Variants in DNER observed in about 807,000 individuals in gnomAD.
DNER encodes delta/notch like EGF repeat containing, also known as delta and Notch-like epidermal growth factor-related receptor.
A neutral mutation model predicts 78.2 loss-of-function variants in DNER; 33 were observed. The ratio of observed to expected loss-of-function variants is 0.42; its 90% CI spans 0.32 to 0.56. The LOEUF is 0.56. DNER is among the 20% of genes least tolerant of loss of function. The probability of loss-of-function intolerance (pLI) is 0.11; values close to 1 mark genes in which losing one functional copy is unlikely to be tolerated. For missense variants in DNER, 918 were observed against 975.3 expected (o/e 0.94, Z 0.78); for synonymous variants, 417 against 384.8 (o/e 1.08, Z -0.98).
At chr2:229,631,290 G>T (rs1202586413) in intron 1 of DNER, among the ~76,000 whole-genome samples, 2 of 152,024 alleles carry the variant, frequency 1.3e-5, no homozygotes, top group Non-Finnish European at 2.9e-5. Context: ...TACGCATGGG[G>T]CTTGCCCCAG....
intron 1 of DNER, among the ~76,000 whole-genome samples, chr2:229,615,537 A>G (rs1395426142): frequency 5.9e-5 from 9 of 151,884 alleles, no homozygotes; most frequent in East Asian, 3.9e-4. Flanking sequence ...GTGAAACCCT[A>G]TCTCTACTAA....
At position 229,591,816 on chromosome 2, in the gene DNER, CGCTGCTGCTGCTGCT is replaced by C; in HGVS notation, c.334_348del (p.Ser112_Ser116del). The C allele has an allele frequency of 6.2e-7, 1 of 1,611,448 alleles. No homozygotes were observed. The highest frequency in any genetic ancestry group is 1.1e-5 in the South Asian group (1 of 90,776). On this transcript the variant is annotated inframe_deletion, in exon 2 of 13. Transcript: ENST00000341772. The surrounding 1 kb of genome is among the most constrained non-coding windows in gnomAD (Gnocchi z 4.6). ...TCATTGCAAATGCAGAGGTAGCCAT[CGCTGCTGCTGCTGCT>C]GCTGCTGCTGCAGTTGCCATGGTGA... is the stretch of plus-strand genomic sequence containing the variant.
chr2:229,488,801 G>T (rs1197714861), intron 6 of DNER, among the ~76,000 whole-genome samples: 1 of 152,250 alleles, frequency 6.6e-6, no homozygotes, highest in African/African-American at 2.4e-5. Context: ...CTGAGCAGGA[G>T]ATGCAGAAAG....
chr2:229,498,374 C>T (rs1695543177), intron 6 of DNER, among the ~76,000 whole-genome samples: 3 of 152,194 alleles, frequency 2.0e-5, no homozygotes, highest in South Asian at 2.1e-4. Flanking sequence ...GAATGAGTGG[C>T]CCACTCTCAC....
intron 6 of DNER, among the ~76,000 whole-genome samples, chr2:229,503,980 G>C (rs925268769): frequency 9.2e-5 from 14 of 152,152 alleles, no homozygotes; most frequent in African/African-American, 3.1e-4. Context: ...CTGGGCTCAA[G>C]TGATCTGCCC....
chr2:229,415,644 G>A (rs1035024953), intron 9 of DNER, among the ~76,000 whole-genome samples: 5 of 152,060 alleles, frequency 3.3e-5, no homozygotes, highest in Admixed American at 2.6e-4. Flanking sequence ...CCCCTATCTG[G>A]ATATCTTTGT....
At position 229,393,811 on chromosome 2, in the gene DNER, C is replaced by T. The variant is rs1463525495; in HGVS notation, c.1724-5415G>A. On this transcript the variant is annotated intron_variant, in intron 10 of 12. Coordinates refer to ENST00000341772, the MANE Select transcript of DNER (RefSeq NM_139072.4). ...GCAGTGAGCCGGGTTCATGCCACTGCACTCCAGCCTGGGCAACAGAGCGAG... is the reference window on the plus strand; with the variant it reads ...GCAGTGAGCCGGGTTCATGCCACTGTACTCCAGCCTGGGCAACAGAGCGAG... 1.3e-5 allele frequency among the ~76,000 whole-genome samples: 2 copies of T among 151,894 alleles called. 1 individual carries two copies. The highest frequency in any genetic ancestry group is 2.9e-5 in the Non-Finnish European group (2 of 67,988).
At position 229,358,475 on chromosome 2, in the gene DNER, AT is replaced by A; in HGVS notation, c.*64del. 2 of 1,279,292 alleles carry A rather than the reference AT, an allele frequency of 1.6e-6. No individual in the cohort carries two copies. The highest frequency in any genetic ancestry group is 2.1e-6 in the Non-Finnish European group (2 of 945,628). The allele number at this position is 1,279,292 out of a possible 1,614,324, so 79.2% of individuals were successfully genotyped here. ...GCATTTTAAATTTCTTAAGCTTTTT[AT>A]TTTCTTAAAAATATTTAAATGAGTG... On this transcript the variant is annotated 3_prime_UTR_variant, in exon 13 of 13. Coordinates refer to ENST00000341772, the MANE Select transcript of DNER (RefSeq NM_139072.4).
intron 5 of DNER, 30 bp downstream of exon 5, chr2:229,546,917 G>A (rs72985919): frequency 0.025 from 39,866 of 1,613,256 alleles, 685 homozygotes; most frequent in Middle Eastern, 0.053. Context: ...GTAAATATGT[G>A]TATTTACAAG....
At chr2:229,630,606 C>CT (rs1252642922) in intron 1 of DNER, among the ~76,000 whole-genome samples, 1 of 151,728 alleles carries the variant, frequency 6.6e-6, no homozygotes, top group African/African-American at 2.4e-5. Context: ...TGGACAGAGG[C>CT]TTTTTATTGA....
intron 4 of DNER, among the ~76,000 whole-genome samples, chr2:229,554,936 AGAG>A (rs1696828551): frequency 2.9e-5 from 1 of 34,040 alleles, no homozygotes; most frequent in Non-Finnish European, 6.0e-5. Flanking sequence ...AGAAGAGAAG[AGAG>A]AAAAGGGAAG....
At chr2:229,556,973 G>A (rs1039016245) in intron 4 of DNER, among the ~76,000 whole-genome samples, 3 of 152,188 alleles carry the variant, frequency 2.0e-5, no homozygotes, top group African/African-American at 7.2e-5. Flanking sequence ...ATCACATCTA[G>A]GGGGAAATGC....
At chr2:229,396,847 A>G (rs936286789) in intron 10 of DNER, among the ~76,000 whole-genome samples, 7 of 152,158 alleles carry the variant, frequency 4.6e-5, no homozygotes, top group Non-Finnish European at 5.9e-5. Flanking sequence ...GGGCAACAAA[A>G]AGTACCTCTG....
chr2:229,417,914 G>C (rs1693685096), intron 9 of DNER, among the ~76,000 whole-genome samples, 194 bp downstream of exon 9: 1 of 152,348 alleles, frequency 6.6e-6, no homozygotes, highest in South Asian at 2.1e-4. Flanking sequence ...AAAGGGGGTT[G>C]TTTCTCAATC....
rs536614217 is a variant in DNER at position 229,382,326 on chromosome 2, G to C, written c.1855+5939C>G. ...GATGAGGAAAAACCAGCACAAAAAG[G>C]CTAAAAATTCCAAAAACCAGAATGC... On this transcript the variant is annotated intron_variant, in intron 11 of 12. Coordinates refer to ENST00000341772, the MANE Select transcript of DNER (RefSeq NM_139072.4). Among the ~76,000 whole-genome samples, 152 of 152,210 alleles carry C rather than the reference G, an allele frequency of 1.0e-3. 1 individual carries two copies. The highest frequency in any genetic ancestry group is 3.5e-3 in the African/African-American group (145 of 41,548).
At chr2:229,390,420 A>T (rs1176922622) in intron 10 of DNER, among the ~76,000 whole-genome samples, 2 of 152,240 alleles carry the variant, frequency 1.3e-5, no homozygotes, top group Non-Finnish European at 2.9e-5. Context: ...AGCTTCTCCA[A>T]AAAGGCAAAT....
chr2:229,505,305 G>A (rs575831102), intron 6 of DNER, among the ~76,000 whole-genome samples: 1 of 151,728 alleles, frequency 6.6e-6, no homozygotes, highest in Admixed American at 6.6e-5. Context: ...GCAGGGAATC[G>A]GAACTGGCAA....
Position 229,407,325 on chromosome 2 carries a change from T to C in DNER, c.1630A>G (p.Lys544Glu). Residue 544 changes from lysine (K) to glutamate (E), a missense_variant, in exon 10 of 13, where the codon AAG becomes GAG. Physicochemically the swap from Lys to Glu is moderately conservative, Grantham distance 56. Transcript: ENST00000341772. ...CAGCTGACGTTAGCGCAGGGATCCT[T>C]GTACAATTCACAGTGTGTTCCTGCA... is the stretch of plus-strand genomic sequence containing the variant. ...EYKGTHCELY[K>E]DPCANVSCLN... 2 of 1,613,770 alleles carry C rather than the reference T, an allele frequency of 1.2e-6. No homozygotes were observed. The highest frequency in any genetic ancestry group is 1.7e-4 in the Middle Eastern group (1 of 6,044).
intron 5 of DNER, among the ~76,000 whole-genome samples, chr2:229,536,377 G>A (rs771504876): frequency 8.5e-5 from 13 of 152,154 alleles, no homozygotes; most frequent in Non-Finnish European, 1.3e-4. Flanking sequence ...AGATGCTCAC[G>A]AAACACTGGA....
Sources: gnomAD v4.1 joint callset for allele counts (sites outside exome capture counted in the v4.1 genomes callset) on GRCh38, gnomAD v4.1.1 for gene constraint, Gnocchi (gnomAD v3.1) non-coding constraint, MANE v1.5 for transcripts, NCBI Gene and HGNC (gene_info 2026-07-23, HGNC 2026-07-21) for gene names.